Variants in ROBO2 observed in about 807,000 individuals in gnomAD.
ROBO2 encodes roundabout guidance receptor 2.
A neutral mutation model predicts 160.8 loss-of-function variants in ROBO2; 53 were observed. The ratio of observed to expected loss-of-function variants is 0.33; its 90% CI spans 0.26 to 0.41. The LOEUF is 0.41. ROBO2 is among the 10% of genes least tolerant of loss of function. The probability of loss-of-function intolerance (pLI) is 1.00; values close to 1 mark genes in which losing one functional copy is unlikely to be tolerated. For missense variants in ROBO2, 1,577 were observed against 1,722.4 expected (o/e 0.92, Z 1.49); for synonymous variants, 664 against 611.7 (o/e 1.09, Z -1.26).
chr3:77,361,975 G>T (rs921456991), intron 2 of ROBO2, among the ~76,000 whole-genome samples: 2 of 152,098 alleles, frequency 1.3e-5, no homozygotes, highest in Non-Finnish European at 2.9e-5. Context: ...CTTAATTCTT[G>T]CCTTAATGAT....
At chr3:76,551,630 T>C (rs954624080) in intron 2 of ROBO2, among the ~76,000 whole-genome samples, 1 of 152,136 alleles carries the variant, frequency 6.6e-6, no homozygotes, top group African/African-American at 2.4e-5. Context: ...GAACCAGCGC[T>C]GTGACACCCT....
At chr3:77,320,256 G>A (rs2064527684) in intron 2 of ROBO2, among the ~76,000 whole-genome samples, 2 of 151,984 alleles carry the variant, frequency 1.3e-5, no homozygotes. Flanking sequence ...TTTTACTCTT[G>A]ATTTCTAGCA....
intron 2 of ROBO2, among the ~76,000 whole-genome samples, chr3:77,201,442 T>C (rs2082903863): frequency 6.6e-6 from 1 of 152,210 alleles, no homozygotes; most frequent in African/African-American, 2.4e-5. Context: ...GTTTAATTTT[T>C]CTTATTTTTT....
In ROBO2 at chr3:76,834,086, C is replaced by CTTTCT. The variant is rs1553651312; in HGVS notation, c.110-263925_110-263921dup. On this transcript the variant is annotated intron_variant, in intron 2 of 26. Transcript: ENST00000487694. Reference sequence around the variant, plus strand: ...CTTTTCTTTCTTTCTTTCTTTCTTTCTTTCTTTCTTTCTTTCTTTCTTTCT... The same window carrying CTTTCT: ...CTTTTCTTTCTTTCTTTCTTTCTTTCTTTCTTTTCTTTCTTTCTTTCTTTCTTTCT... Among the ~76,000 whole-genome samples, 313 of 110,302 alleles carry CTTTCT rather than the reference C, an allele frequency of 2.8e-3. 6 individuals are homozygous for CTTTCT. The highest frequency in any genetic ancestry group is 0.01 in the Middle Eastern group (2 of 198). The allele number at this position is 110,302 out of a possible 152,430, so 72.4% of individuals were successfully genotyped here.
chr3:77,120,616 T>C (rs1193967388), intron 2 of ROBO2, among the ~76,000 whole-genome samples: 1 of 152,334 alleles, frequency 6.6e-6, no homozygotes, highest in East Asian at 1.9e-4. Flanking sequence ...ATAAAATTCA[T>C]TGGCATAGCT....
intron 2 of ROBO2, among the ~76,000 whole-genome samples, chr3:76,217,864 G>C (rs1703668436): frequency 6.6e-6 from 1 of 152,244 alleles, no homozygotes; most frequent in East Asian, 1.9e-4. Flanking sequence ...AACAAAAAAA[G>C]AGAATTTTAA....
intron 2 of ROBO2, among the ~76,000 whole-genome samples, chr3:76,152,391 A>G (rs950381127): frequency 6.6e-6 from 1 of 152,172 alleles, no homozygotes; most frequent in Non-Finnish European, 1.5e-5. Flanking sequence ...CAATCAAAAG[A>G]TTGATGGAGT....
intron 2 of ROBO2, among the ~76,000 whole-genome samples, chr3:76,123,186 G>A (rs946749943): frequency 2.0e-5 from 3 of 151,982 alleles, no homozygotes; most frequent in African/African-American, 7.3e-5. Flanking sequence ...TTTAATTCAT[G>A]GTGAAAATAT....
At chr3:77,521,409 A>C (rs369695069) in intron 5 of ROBO2, among the ~76,000 whole-genome samples, 5 of 151,336 alleles carry the variant, frequency 3.3e-5, no homozygotes, top group East Asian at 3.9e-4. Flanking sequence ...ACAATACAAA[A>C]TGTAACTAAG....
chr3:76,731,936 A>G (rs1030834303), intron 2 of ROBO2, among the ~76,000 whole-genome samples: 1 of 152,190 alleles, frequency 6.6e-6, no homozygotes, highest in African/African-American at 2.4e-5. Flanking sequence ...TTGATTATCT[A>G]CTATGAGCCA....
chr3:76,801,992 C>T (rs757771774), intron 2 of ROBO2, among the ~76,000 whole-genome samples: 6 of 152,138 alleles, frequency 3.9e-5, no homozygotes, highest in Non-Finnish European at 7.4e-5. Flanking sequence ...TCAGAACACA[C>T]ACCTGTATTG....
chr3:77,267,813 C>G (rs2059236184), intron 2 of ROBO2, among the ~76,000 whole-genome samples: 1 of 152,108 alleles, frequency 6.6e-6, no homozygotes, highest in Non-Finnish European at 1.5e-5. Context: ...CGCTCTCTTC[C>G]TCTCTCTGTC....
At chr3:77,138,952 T>G (rs967948416) in intron 2 of ROBO2, among the ~76,000 whole-genome samples, 1 of 152,162 alleles carries the variant, frequency 6.6e-6, no homozygotes, top group African/African-American at 2.4e-5. Context: ...TTGCAAAGCA[T>G]GAGGGTCTCT....
intron 2 of ROBO2, among the ~76,000 whole-genome samples, chr3:76,051,184 C>T (rs534255541): frequency 8.5e-5 from 13 of 152,104 alleles, no homozygotes; most frequent in African/African-American, 2.4e-4. Flanking sequence ...TTGAAAAAAA[C>T]GACAGTTTCA....
chr3:76,607,704 A>T (rs1432832291), intron 2 of ROBO2, among the ~76,000 whole-genome samples: 1 of 152,200 alleles, frequency 6.6e-6, no homozygotes, highest in African/African-American at 2.4e-5. Context: ...TGTGTTTTTG[A>T]CATTCACTGA....
At chr3:77,402,347 T>C (rs2075876382) in intron 2 of ROBO2, among the ~76,000 whole-genome samples, 2 of 152,044 alleles carry the variant, frequency 1.3e-5, no homozygotes, top group African/African-American at 2.4e-5. Context: ...GATAGGTTGA[T>C]GGGTGCAACA....
At chr3:76,531,911 T>C (rs997528370) in intron 2 of ROBO2, among the ~76,000 whole-genome samples, 3 of 152,194 alleles carry the variant, frequency 2.0e-5, no homozygotes, top group Admixed American at 1.3e-4. Flanking sequence ...TTTATCATAA[T>C]ACCCACTTTT....
At chr3:75,916,663 T>C (rs1946819889) in intron 1 of ROBO2, among the ~76,000 whole-genome samples, 2 of 152,096 alleles carry the variant, frequency 1.3e-5, no homozygotes, top group African/African-American at 4.8e-5. Flanking sequence ...ATTGATTTTC[T>C]TAAAGCGACT....
At chr3:76,843,093 C>T (rs1485350133) in intron 2 of ROBO2, among the ~76,000 whole-genome samples, 1 of 151,860 alleles carries the variant, frequency 6.6e-6, no homozygotes, top group African/African-American at 2.4e-5. Flanking sequence ...TCCACTTGAG[C>T]TTTATAGAAG....
Sources: allele counts gnomAD v4.1 joint callset (sites outside exome capture counted in the v4.1 genomes callset), GRCh38; gene constraint gnomAD v4.1.1; transcripts MANE v1.5; gene names NCBI Gene and HGNC (gene_info 2026-07-23, HGNC 2026-07-21).